Variants in IL7 observed in about 807,000 individuals in gnomAD.
IL7 encodes the protein interleukin-7.
In IL7, 3 loss-of-function variants were observed where a neutral mutation model predicts 21.6. The ratio of observed to expected loss-of-function variants is 0.14; its 90% CI spans 0.06 to 0.36. The LOEUF is 0.36. Ranked by LOEUF, IL7 falls within the 10% of genes least tolerant of loss-of-function variation. The pLI, the probability that IL7 is intolerant of heterozygous loss-of-function variation, is 1.00. For missense variants in IL7, 175 were observed against 200.2 expected (o/e 0.87, Z 0.76); for synonymous variants, 62 against 68.1 (o/e 0.91, Z 0.44).
intron 3 of IL7, among the ~76,000 whole-genome samples, chr8:78,704,039 T>G (rs1179435616): frequency 6.6e-6 from 1 of 152,162 alleles, no homozygotes; most frequent in African/African-American, 2.4e-5. Flanking sequence ...CCTTCACTTA[T>G]GAAGCTTAGT....
intron 3 of IL7, among the ~76,000 whole-genome samples, chr8:78,702,616 T>A (rs1017263475): frequency 1.3e-5 from 2 of 152,188 alleles, no homozygotes; most frequent in African/African-American, 4.8e-5. Flanking sequence ...AAATTTCCCT[T>A]TTACACTGCC....
chr8:78,726,047 T>C (rs1439472537), intron 3 of IL7, among the ~76,000 whole-genome samples: 1 of 151,922 alleles, frequency 6.6e-6, no homozygotes. Flanking sequence ...TCATATTAAA[T>C]TCTGACAATG....
At chr8:78,791,164 G>A (rs1253981140) in intron 2 of IL7, among the ~76,000 whole-genome samples, 1 of 152,098 alleles carries the variant, frequency 6.6e-6, no homozygotes, top group Non-Finnish European at 1.5e-5. Flanking sequence ...GGCTTTATAG[G>A]AAAACTATTT....
chr8:78,755,154 A>G (rs1298961494), intron 2 of IL7, among the ~76,000 whole-genome samples: 1 of 151,970 alleles, frequency 6.6e-6, no homozygotes, highest in East Asian at 1.9e-4. Context: ...ACATTGATTT[A>G]TTTCTGGCTT....
downstream of IL7, among the ~76,000 whole-genome samples, chr8:78,731,816 A>T (rs977172492): frequency 1.3e-5 from 2 of 152,012 alleles, no homozygotes; most frequent in Non-Finnish European, 1.5e-5. Flanking sequence ...TTTGAGTCCA[A>T]TTTTTCTCAA....
At chr8:78,804,126 T>A (rs1380299926) in intron 1 of IL7, among the ~76,000 whole-genome samples, 1 of 152,126 alleles carries the variant, frequency 6.6e-6, no homozygotes, top group Non-Finnish European at 1.5e-5. Context: ...GCCATCCGAA[T>A]CCAACCCTCC....
chr8:78,797,880 AAAG>A (rs1813914189), intron 2 of IL7, 189 bp downstream of exon 2: 3 of 446,206 alleles, frequency 6.7e-6, no homozygotes, highest in Non-Finnish European at 1.2e-5. Flanking sequence ...AGAGTCGAGG[AAAG>A]AATTATTTTT....
chr8:78,797,312 T>C lies in IL7; in HGVS notation c.147+760A>G, dbSNP rs1017513788. Reference sequence around the variant, plus strand: ...TTTTTACCATATGATTTGTATGATATGTAATCACGGATATGTGATGGTATA... The same window carrying C: ...TTTTTACCATATGATTTGTATGATACGTAATCACGGATATGTGATGGTATA... On this transcript the variant is annotated intron_variant, in intron 2 of 5. Transcript: ENST00000263851. 2.0e-4 allele frequency among the ~76,000 whole-genome samples: 30 copies of C among 152,118 alleles called. 1 individual carries two copies. The highest frequency in any genetic ancestry group is 1.8e-3 in the Admixed American group (27 of 15,260).
intron 1 of IL7, among the ~76,000 whole-genome samples, chr8:78,802,435 T>TC (rs200884594): frequency 2.7e-4 from 34 of 124,286 alleles, no homozygotes; most frequent in African/African-American, 1.0e-3. Context: ...TTTCTCTCTC[T>TC]TTTTTTTTTT....
intron 1 of IL7, among the ~76,000 whole-genome samples, chr8:78,803,960 A>G (rs1325769415): frequency 6.6e-6 from 1 of 152,072 alleles, no homozygotes; most frequent in Non-Finnish European, 1.5e-5. Context: ...TCAGTTTCCT[A>G]TTCCCGCACC....
chr8:78,681,389 A>G (rs977186936), intron 4 of IL7, among the ~76,000 whole-genome samples: 2 of 152,224 alleles, frequency 1.3e-5, no homozygotes, highest in Non-Finnish European at 2.9e-5. Flanking sequence ...AGTAATAATC[A>G]CAGAGCAGAT....
intron 2 of IL7, among the ~76,000 whole-genome samples, chr8:78,773,200 A>T (rs904876519): frequency 6.6e-6 from 1 of 151,954 alleles, no homozygotes; most frequent in Non-Finnish European, 1.5e-5. Context: ...ATTCACACAC[A>T]CCTACACTCA....
intron 5 of IL7, among the ~76,000 whole-genome samples, chr8:78,735,312 G>GGGGTGT: frequency 1.4e-5 from 1 of 72,000 alleles, no homozygotes; most frequent in African/African-American, 4.7e-5. Flanking sequence ...TTTTTGCTCT[G>GGGGTGT]TTTTTTGTTT....
At chr8:78,698,728 A>G (rs908270141) in intron 3 of IL7, among the ~76,000 whole-genome samples, 1 of 152,230 alleles carries the variant, frequency 6.6e-6, no homozygotes, top group African/African-American at 2.4e-5. Flanking sequence ...CTTAGAAATC[A>G]TAGCTTAAAT....
intron 2 of IL7, among the ~76,000 whole-genome samples, chr8:78,763,646 T>C (rs979318032): frequency 1.3e-5 from 2 of 152,126 alleles, no homozygotes; most frequent in Non-Finnish European, 1.5e-5. Flanking sequence ...AAACTCTGAA[T>C]AGGACTATAT....
At chr8:78,760,516 C>T (rs1449798356) in intron 2 of IL7, 3 of 1,536,766 alleles carry the variant, frequency 2.0e-6, no homozygotes, top group Non-Finnish European at 1.7e-6. Context: ...CAGCTGACAG[C>T]GTGTCAGGAT....
chr8:78,753,742 A>T (rs979163572), intron 2 of IL7, among the ~76,000 whole-genome samples: 2 of 152,064 alleles, frequency 1.3e-5, no homozygotes, highest in Non-Finnish European at 2.9e-5. Flanking sequence ...TCTTGAGTTA[A>T]TTTTTGTTCT....
chr8:78,769,904 T>C, intron 2 of IL7, among the ~76,000 whole-genome samples: 1 of 152,168 alleles, frequency 6.6e-6, no homozygotes, highest in African/African-American at 2.4e-5. Context: ...ATCTGATCTT[T>C]GACAAACCTG....
At chr8:78,707,255 G>A (rs1031056307) in intron 3 of IL7, among the ~76,000 whole-genome samples, 3 of 152,148 alleles carry the variant, frequency 2.0e-5, no homozygotes, top group African/African-American at 7.2e-5. Flanking sequence ...TATTTCTATA[G>A]TACTGGCAAT....
Sources: gnomAD v4.1 joint callset for allele counts (sites outside exome capture counted in the v4.1 genomes callset) on GRCh38, gnomAD v4.1.1 for gene constraint, MANE v1.5 for transcripts, NCBI Gene and HGNC (gene_info 2026-07-23, HGNC 2026-07-21) for gene names.